SYNE1: variants seen among roughly 807,000 people sequenced by gnomAD.
The protein encoded by SYNE1 is spectrin repeat containing nuclear envelope protein 1.
A neutral mutation model predicts 1,111.0 loss-of-function variants in SYNE1; 616 were observed. The observed-to-expected ratio is 0.55, with a 90% confidence interval of 0.52 to 0.59. SYNE1 has a LOEUF of 0.59. Among genes scored for constraint, SYNE1 ranks in the 20% least tolerant of loss-of-function variants. The pLI, the probability that SYNE1 is intolerant of heterozygous loss-of-function variation, is 0.00. For synonymous variants in SYNE1, 3,855 were observed against 3,825.8 expected (o/e 1.01, Z -0.28); for missense variants, 10,006 against 10,417.0 (o/e 0.96, Z 1.72).
At chr6:152,169,427 T>G (rs1452591162) in intron 130 of SYNE1, among the ~76,000 whole-genome samples, 1 of 151,474 alleles carries the variant, frequency 6.6e-6, no homozygotes, top group Non-Finnish European at 1.5e-5. Context: ...CTGGGCGTGG[T>G]GGCGGGCACC....
chr6:152,625,083 A>T (rs2099683224), intron 3 of SYNE1, among the ~76,000 whole-genome samples: 1 of 152,214 alleles, frequency 6.6e-6, no homozygotes, highest in Non-Finnish European at 1.5e-5. Context: ...TATGAATTTG[A>T]ACTTTGAAAA....
Position 152,122,337 on chromosome 6 carries a change from T to C in SYNE1, c.*99A>G. ...GGGCTAAAGCTGCCACACCGAGGGC[T>C]TTCGCCAAGATCAAGGTCCTCTTGT... On this transcript the variant is annotated 3_prime_UTR_variant, in exon 146 of 146. Coordinates refer to ENST00000367255, the MANE Select transcript of SYNE1 (RefSeq NM_182961.4). The C allele has an allele frequency of 6.2e-7, 1 of 1,604,464 alleles. No individual in the cohort carries two copies. The highest frequency in any genetic ancestry group is 1.1e-5 in the South Asian group (1 of 90,328).
At position 152,455,929 on chromosome 6, in the gene SYNE1, G is replaced by C. The variant is rs373633207; in HGVS notation, c.2684C>G (p.Thr895Arg). Residue 895 changes from threonine to arginine, a missense_variant, in exon 23 of 146, where the codon ACG becomes AGG. Around this residue, in one of 7 missense-constraint regions of SYNE1, gnomAD observed 1,971 missense variants for 2,084.1 expected, o/e 0.95. Coordinates refer to ENST00000367255, the MANE Select transcript of SYNE1 (RefSeq NM_182961.4). ...ATCTGCAATCTGTCTTTGTAGCCTC[G>C]TCTGATCAAAATGCTTTAACACGTT... is the stretch of plus-strand genomic sequence containing the variant. ...LSNVLKHFDQ[T>R]RLQRQIADIH... The C allele has an allele frequency of 1.4e-5, 23 of 1,614,028 alleles. No homozygotes were observed. In the African/African-American group the frequency reaches 2.0e-4, roughly 14 times the overall value.
At position 152,369,019 on chromosome 6, in the gene SYNE1, C is replaced by T. The variant is rs1478676582; in HGVS notation, c.9760G>A (p.Val3254Met). 1 of 1,614,192 alleles carries T rather than the reference C, an allele frequency of 6.2e-7. No homozygotes were observed. Among genetic ancestry groups the T allele is most frequent in the Non-Finnish European group, 8.5e-7 (1 of 1,180,024 alleles). ...AGATACTGAGAAGACAGCTGCGACA[C>T]TCTGTGCCTAAAGCTCTTGCTGGCA... The part of the protein sequence containing the change: ...QAASKSFRHR[V>M]SQLSSQYLAL... The change falls in exon 61 of 146, where the codon GTG becomes ATG. Residue 3254 changes from valine to methionine, a missense_variant. Coordinates refer to ENST00000367255, the MANE Select transcript of SYNE1 (RefSeq NM_182961.4).
chr6:152,352,588 G>A (rs1393851776), intron 69 of SYNE1, among the ~76,000 whole-genome samples: 1 of 152,002 alleles, frequency 6.6e-6, no homozygotes, highest in Non-Finnish European at 1.5e-5. Flanking sequence ...TTTTTTAGTA[G>A]AGACAGGGTT....
chr6:152,344,170 G>T lies in SYNE1; in HGVS notation c.12136C>A (p.Gln4046Lys), dbSNP rs1159138676. 28 of 1,614,236 alleles carry T rather than the reference G, an allele frequency of 1.7e-5. No individual in the cohort carries two copies. The highest frequency in any genetic ancestry group is 2.2e-5 in the Non-Finnish European group (26 of 1,180,042). Residue 4046 changes from glutamine (Q) to lysine (K), a missense_variant, in exon 74 of 146, where the codon CAG (glutamine) becomes AAG (lysine). Physicochemically the swap from Gln to Lys is moderately conservative, Grantham distance 53. This residue lies in a region of SYNE1 where 4,955 missense variants were observed against 5,017.2 expected (regional missense o/e 0.99). Transcript: ENST00000367255. ...QKHVSRQDTL[Q>K]QCQAWLSAVQ... Reference sequence around the variant, plus strand: ...GCAGAAAGCCAGGCCTGGCACTGCTGCAGGGTGTCTTGTCGGCTGACGTGC... The same window carrying T: ...GCAGAAAGCCAGGCCTGGCACTGCTTCAGGGTGTCTTGTCGGCTGACGTGC...
At chr6:152,168,191 T>C (rs1331170700) in intron 130 of SYNE1, 2 of 770,624 alleles carry the variant, frequency 2.6e-6, no homozygotes, top group East Asian at 4.9e-5. Flanking sequence ...ACTCAGGTCC[T>C]CCGCCACCAC....
At chr6:152,415,448 C>T (rs986499705) in intron 41 of SYNE1, among the ~76,000 whole-genome samples, 2 of 152,148 alleles carry the variant, frequency 1.3e-5, no homozygotes, top group Middle Eastern at 3.2e-3. Context: ...CTAAGCTCCC[C>T]TCTACAAGAG....
At chr6:152,283,308 T>C (rs2094138771) in intron 96 of SYNE1, among the ~76,000 whole-genome samples, 1 of 152,254 alleles carries the variant, frequency 6.6e-6, no homozygotes. Context: ...GGATTTATTC[T>C]TTATAGTGTT....
chr6:152,354,658 C>CCTT lies in SYNE1; in HGVS notation c.10924_10926dup (p.Lys3643dup), dbSNP rs773261024. ...AGATCAGGAATCTACATGAGTTGTA[C>CCTT]CTTCATCTGATGTAATTGTATCTCC... On this transcript the variant is annotated inframe_insertion and splice_region_variant. Transcript: ENST00000367255. 1 of 1,614,074 alleles carries CCTT rather than the reference C, an allele frequency of 6.2e-7. No individual in the cohort carries two copies. Among genetic ancestry groups the CCTT allele is most frequent in the Non-Finnish European group, 8.5e-7 (1 of 1,179,946 alleles).
intron 40 of SYNE1, among the ~76,000 whole-genome samples, chr6:152,417,887 G>A (rs1201260584): frequency 6.6e-6 from 1 of 152,008 alleles, no homozygotes; most frequent in Non-Finnish European, 1.5e-5. Context: ...CAAAATCCAT[G>A]AAGAAATCTT....
Position 152,323,617 on chromosome 6 carries a change from C to T in SYNE1, c.15778G>A (p.Glu5260Lys). 1.2e-6 allele frequency: 2 copies of T among 1,614,220 alleles called. No homozygotes were observed. Among genetic ancestry groups the T allele is most frequent in the Non-Finnish European group, 1.7e-6 (2 of 1,180,046 alleles). ...AAGGCCGACTGCTGCTGCTCCAGCT[C>T]CAGAACGAACGTGTCGTGGTATTCA... ...LLEYHDTFVLELEQQQSALGM... is the reference protein window; with the variant it reads ...LLEYHDTFVLKLEQQQSALGM... The change falls in exon 82 of 146, where the codon GAG (glutamate) becomes AAG (lysine). Residue 5260 changes from glutamate to lysine, a missense_variant. By Grantham distance (56) the Glu-to-Lys change is moderately conservative. Around this residue, in one of 7 missense-constraint regions of SYNE1, gnomAD observed 4,955 missense variants for 5,017.2 expected, o/e 0.99. Transcript: ENST00000367255.
At chr6:152,621,632 T>G (rs1437518260) in intron 3 of SYNE1, among the ~76,000 whole-genome samples, 1 of 152,108 alleles carries the variant, frequency 6.6e-6, no homozygotes, top group African/African-American at 2.4e-5. Flanking sequence ...AGAGCGAATA[T>G]TTTATAGGTC....
intron 118 of SYNE1, 150 bp from the exon 119 acceptor site, chr6:152,221,196 A>G (rs2080098900): frequency 2.7e-6 from 3 of 1,101,886 alleles, no homozygotes; most frequent in Non-Finnish European, 3.9e-6. Flanking sequence ...TCATATTCCT[A>G]GTTTCAGGGT....
chr6:152,590,036 C>G (rs905490973), intron 3 of SYNE1, among the ~76,000 whole-genome samples: 1 of 150,828 alleles, frequency 6.6e-6, no homozygotes, highest in Non-Finnish European at 1.5e-5. Context: ...TAGGCTCAAG[C>G]AACCCTCTTG....
At chr6:152,487,108 G>A (rs992453044) in intron 12 of SYNE1, among the ~76,000 whole-genome samples, 3 of 152,030 alleles carry the variant, frequency 2.0e-5, no homozygotes, top group African/African-American at 7.2e-5. Flanking sequence ...TTGTTACATA[G>A]GTAATCATGT....
chr6:152,267,006 AT>A (rs2092779459), intron 100 of SYNE1, among the ~76,000 whole-genome samples: 1 of 152,192 alleles, frequency 6.6e-6, no homozygotes, highest in African/African-American at 2.4e-5. Context: ...TTTATATCAC[AT>A]TTTTACTTAG....
Position 152,330,860 on chromosome 6 carries a change from G to T in SYNE1, c.13825C>A (p.Leu4609Ile), listed in dbSNP as rs2153972296. 2 of 1,614,170 alleles carry T rather than the reference G, an allele frequency of 1.2e-6. No individual in the cohort carries two copies. The highest frequency in any genetic ancestry group is 8.5e-7 in the Non-Finnish European group (1 of 1,180,048). Residue 4609 changes from leucine (L) to isoleucine (I), a missense_variant, in exon 78 of 146, where the codon CTT becomes ATT. This residue lies in a region of SYNE1 where 4,955 missense variants were observed against 5,017.2 expected (regional missense o/e 0.99). Coordinates refer to ENST00000367255, the MANE Select transcript of SYNE1 (RefSeq NM_182961.4). ...TTTTCATATTCTGGAGATTGTTCAA[G>T]AATGTTTTGGTATTTAGCCAGTTGT... The part of the protein sequence containing the change: ...HTQLAKYQNI[L>I]EQSPEYENLL...
chr6:152,205,106 A>T (rs1468404569), intron 126 of SYNE1, among the ~76,000 whole-genome samples: 1 of 152,126 alleles, frequency 6.6e-6, no homozygotes, highest in Non-Finnish European at 1.5e-5. Flanking sequence ...AATAAAATTC[A>T]ATAGAATAAA....
Sources: gnomAD v4.1 joint callset for allele counts (sites outside exome capture counted in the v4.1 genomes callset) on GRCh38, gnomAD v4.1.1 for gene constraint, gnomAD v4.1.1 regional missense constraint, MANE v1.5 for transcripts, NCBI Gene and HGNC (gene_info 2026-07-23, HGNC 2026-07-21) for gene names.